The following DNAH5 variants were observed in gnomAD, a reference collection of about 807,000 sequenced individuals.
The protein encoded by DNAH5 is dynein axonemal heavy chain 5, also known as axonemal beta dynein heavy chain 5.
A neutral mutation model predicts 518.2 loss-of-function variants in DNAH5; 372 were observed. The ratio of observed to expected loss-of-function variants is 0.72; its 90% CI spans 0.66 to 0.78. DNAH5 has a LOEUF of 0.78. Among genes scored for constraint, DNAH5 ranks in the 30% least tolerant of loss-of-function variants. The probability of loss-of-function intolerance (pLI) is 0.00; values close to 1 mark genes in which losing one functional copy is unlikely to be tolerated. For missense variants in DNAH5, 5,523 were observed against 5,687.0 expected (o/e 0.97, Z 0.93); for synonymous variants, 2,039 against 2,025.9 (o/e 1.01, Z -0.17).
In DNAH5 at chr5:13,876,599, A is replaced by G. The variant is rs544796833; in HGVS notation, c.3396+85T>C. 13 of 1,534,138 alleles carry G rather than the reference A, an allele frequency of 8.5e-6. No homozygotes were observed. The East Asian group carries it at 2.5e-4, about 29-fold the overall frequency. On this transcript the variant is annotated intron_variant, in intron 22 of 78. Coordinates refer to ENST00000265104, the MANE Select transcript of DNAH5 (RefSeq NM_001369.3). Reference sequence around the variant, plus strand: ...GCACAGTGTGTGAGACCCAGGCTACATAAAGGACAACTTTGTGATGTTCAC... The same window carrying G: ...GCACAGTGTGTGAGACCCAGGCTACGTAAAGGACAACTTTGTGATGTTCAC...
In DNAH5 at chr5:13,707,130, C is replaced by CAT. The variant is rs1202737912; in HGVS notation, c.13338+991_13338+992dup. Among the ~76,000 whole-genome samples the CAT allele has an allele frequency of 6.6e-6, 1 of 152,104 alleles. No homozygotes were observed. The highest frequency in any genetic ancestry group is 3.2e-3 in the Middle Eastern group (1 of 316). Reference sequence around the variant, plus strand: ...AGAAGGGCACACTGACAGACACCAGCATATACTGGCAGGACCAACAGACAC... The same window carrying CAT: ...AGAAGGGCACACTGACAGACACCAGCATATATACTGGCAGGACCAACAGACAC... On this transcript the variant is annotated intron_variant, in intron 76 of 78. Coordinates refer to ENST00000265104, the MANE Select transcript of DNAH5 (RefSeq NM_001369.3). The surrounding 1 kb of genome is among the most constrained non-coding windows in gnomAD (Gnocchi z 4.0).
intron 1 of DNAH5, among the ~76,000 whole-genome samples, chr5:13,955,105 C>T (rs932412436): frequency 6.6e-6 from 1 of 152,142 alleles, no homozygotes; most frequent in Admixed American, 6.5e-5. Flanking sequence ...AGGTGACTGG[C>T]TCATGGGATA....
upstream of DNAH5, among the ~76,000 whole-genome samples, chr5:13,946,910 C>T (rs1447151866): frequency 6.6e-6 from 1 of 152,188 alleles, no homozygotes; most frequent in African/African-American, 2.4e-5. Flanking sequence ...CTAATAAAAA[C>T]AGATGTTTAC....
chr5:13,935,346 T>C (rs900093732), intron 1 of DNAH5, among the ~76,000 whole-genome samples: 1 of 152,166 alleles, frequency 6.6e-6, no homozygotes, highest in African/African-American at 2.4e-5. Flanking sequence ...CTCCCTAAAA[T>C]AGAAGACTAA....
intron 68 of DNAH5, among the ~76,000 whole-genome samples, chr5:13,733,884 A>G (rs1283542794): frequency 1.3e-5 from 2 of 152,108 alleles, no homozygotes; most frequent in Non-Finnish European, 2.9e-5. Context: ...TTAAGCATGA[A>G]AATCTCCTGC....
Position 13,840,969 on chromosome 5 carries a change from T to G in DNAH5, c.5646A>C (p.Glu1882Asp). 3 of 1,614,168 alleles carry G rather than the reference T, an allele frequency of 1.9e-6. No individual in the cohort carries two copies. Among genetic ancestry groups the G allele is most frequent in the Non-Finnish European group, 2.5e-6 (3 of 1,179,994 alleles). ...TAATCAGAGTCTCGTATTTCACTCG[T>G]TCCGTGGAACTCAGATCCCTCGTGG... ...DVTTRDLSST[E>D]RVKYETLITI... The change falls in exon 34 of 79, where the codon GAA becomes GAC. Residue 1882 changes from glutamate (E) to aspartate (D), a missense_variant. This residue lies in a region of DNAH5 where 5,121 missense variants were observed against 5,223.3 expected (regional missense o/e 0.98). Transcript: ENST00000265104.
chr5:13,964,477 T>C (rs141021863), intron 1 of DNAH5, among the ~76,000 whole-genome samples: 1 of 152,290 alleles, frequency 6.6e-6, no homozygotes, highest in Non-Finnish European at 1.5e-5. Flanking sequence ...AGAAACTAGA[T>C]GGGAACCAAG....
chr5:13,766,036 C>A lies in DNAH5; in HGVS notation c.10041G>T (p.Met3347Ile), dbSNP rs536239913. The A allele has an allele frequency of 2.7e-5, 43 of 1,614,176 alleles. No individual in the cohort carries two copies. In the East Asian group the frequency reaches 8.2e-4, roughly 31 times the overall value. The change falls in exon 59 of 79, where the codon ATG (methionine) becomes ATT (isoleucine). Residue 3347 changes from methionine (M) to isoleucine (I), a missense_variant. Coordinates refer to ENST00000265104, the MANE Select transcript of DNAH5 (RefSeq NM_001369.3). ...VKIDLEKSCTMPSWQESLKLM... is the reference protein window; with the variant it reads ...VKIDLEKSCTIPSWQESLKLM... ...ATTTTAAGGATTCCTGCCAGGAGGG[C>A]ATGGTACAGCTTTTTTCCAGGTCAA...
At chr5:13,701,758 T>C (rs545578921) in intron 76 of DNAH5, among the ~76,000 whole-genome samples, 2 of 152,360 alleles carry the variant, frequency 1.3e-5, no homozygotes, top group African/African-American at 4.8e-5. Flanking sequence ...CTGACTCTGC[T>C]GTAAAGGAAT....
chr5:13,696,131 G>A (rs1741357484), intron 78 of DNAH5, among the ~76,000 whole-genome samples: 1 of 152,166 alleles, frequency 6.6e-6, no homozygotes, highest in Non-Finnish European at 1.5e-5. Flanking sequence ...TCCTTAGCAG[G>A]AAATAACCGT....
At chr5:13,775,622 C>T (rs1355521837) in intron 55 of DNAH5, among the ~76,000 whole-genome samples, 2 of 152,068 alleles carry the variant, frequency 1.3e-5, no homozygotes, top group African/African-American at 4.8e-5. Context: ...ACTTCATGCT[C>T]CTCAGTTTCT....
chr5:13,952,959 T>C (rs1334137232), intron 1 of DNAH5, among the ~76,000 whole-genome samples: 1 of 152,206 alleles, frequency 6.6e-6, no homozygotes, highest in Non-Finnish European at 1.5e-5. Context: ...TTAAACACTG[T>C]AACATAACTT....
At chr5:13,886,275 A>G (rs1029065072) in intron 17 of DNAH5, 146 bp from the exon 18 acceptor site, 14 of 815,350 alleles carry the variant, frequency 1.7e-5, no homozygotes, top group African/African-American at 3.5e-5. Flanking sequence ...CATCCTTCAC[A>G]ATAGCACAGG....
At chr5:13,968,303 T>C (rs1160571499) in intron 1 of DNAH5, among the ~76,000 whole-genome samples, 1 of 152,214 alleles carries the variant, frequency 6.6e-6, no homozygotes, top group Non-Finnish European at 1.5e-5. Flanking sequence ...ATGCCCTTTC[T>C]TTCTTTCTCT....
At chr5:13,852,760 C>T (rs1368857543) in intron 30 of DNAH5, among the ~76,000 whole-genome samples, 1 of 152,160 alleles carries the variant, frequency 6.6e-6, no homozygotes, top group Non-Finnish European at 1.5e-5. Context: ...CAAAGAAGTT[C>T]AGACTGGGCA....
intron 65 of DNAH5, among the ~76,000 whole-genome samples, chr5:13,741,085 G>A (rs890743021): frequency 6.6e-6 from 1 of 152,160 alleles, no homozygotes; most frequent in Non-Finnish European, 1.5e-5. Flanking sequence ...ACAGTGAACT[G>A]GAAAATCTAG....
chr5:13,922,424 A>G, intron 4 of DNAH5, 96 bp from the exon 5 acceptor site: 1 of 1,241,390 alleles, frequency 8.1e-7, no homozygotes, highest in Non-Finnish European at 1.1e-6. Context: ...TTTACCAAAT[A>G]CCCAGTAAAT....
chr5:13,907,443 A>G (rs748597371), intron 12 of DNAH5, among the ~76,000 whole-genome samples: 2 of 152,112 alleles, frequency 1.3e-5, no homozygotes, highest in Non-Finnish European at 2.9e-5. Context: ...CCACCCCCCA[A>G]AAAAAGAACC....
In DNAH5 at chr5:13,807,657, A is replaced by G; in HGVS notation, c.7821T>C (p.Tyr2607=). ...TCTTGATCATGTGACATTCAGGATC[A>G]TATTTTGACATAAATCCTTTAATTA... ...TVIIKGFMSK[Y]DPECHMIKSL... The change falls in exon 47 of 79, where the codon TAT becomes TAC. Residue 2607 remains tyrosine, a synonymous_variant. Transcript: ENST00000265104. 1 of 1,611,672 alleles carries G rather than the reference A, an allele frequency of 6.2e-7. No homozygotes were observed. The highest frequency in any genetic ancestry group is 8.5e-7 in the Non-Finnish European group (1 of 1,178,346).
Sources: gnomAD v4.1 joint callset for allele counts (sites outside exome capture counted in the v4.1 genomes callset) on GRCh38, gnomAD v4.1.1 for gene constraint, gnomAD v4.1.1 regional missense constraint, Gnocchi (gnomAD v3.1) non-coding constraint, MANE v1.5 for transcripts, NCBI Gene and HGNC (gene_info 2026-07-23, HGNC 2026-07-21) for gene names.